Variants in KDM4C observed in about 807,000 individuals in gnomAD.
KDM4C encodes lysine demethylase 4C.
A neutral mutation model predicts 129.3 loss-of-function variants in KDM4C; 81 were observed. The observed-to-expected ratio is 0.63, with a 90% CI of 0.52 to 0.75. The LOEUF is 0.75. KDM4C is among the 30% of genes least tolerant of loss of function. The pLI, the probability that KDM4C is intolerant of heterozygous loss-of-function variation, is 0.00. For synonymous variants in KDM4C, 573 were observed against 456.1 expected (o/e 1.26, Z -3.26); for missense variants, 1,457 against 1,304.0 (o/e 1.12, Z -1.81).
At position 7,076,942 on chromosome 9, in the gene KDM4C, T is replaced by A. The variant is rs913060602; in HGVS notation, c.2425-26743T>A. 5.1e-6 allele frequency: 5 copies of A among 986,086 alleles called. No homozygotes were observed. The African/African-American group carries it at 7.0e-5, about 14-fold the overall frequency. 61.1% of individuals were successfully genotyped at this position (986,086 alleles called of 1,614,324 possible). On this transcript the variant is annotated intron_variant, in intron 17 of 21. Coordinates refer to ENST00000381309, the MANE Select transcript of KDM4C (RefSeq NM_015061.6). ...AATAGGAGTCTCAGAAGTTACACCA[T>A]TTTTCTACAGCACATCACAGGCCCA...
intron 1 of KDM4C, among the ~76,000 whole-genome samples, chr9:6,760,410 GTT>G (rs1052599546): frequency 6.7e-6 from 1 of 149,536 alleles, no homozygotes; most frequent in Non-Finnish European, 1.5e-5. Flanking sequence ...TTGTGAACTA[GTT>G]TTTGTGTGGA....
chr9:7,093,579 G>A (rs1476416701), intron 17 of KDM4C, among the ~76,000 whole-genome samples: 1 of 151,966 alleles, frequency 6.6e-6, no homozygotes, highest in Non-Finnish European at 1.5e-5. Flanking sequence ...CTTCATCTGG[G>A]TTTTTTTGTG....
intron 5 of KDM4C, among the ~76,000 whole-genome samples, chr9:6,851,376 A>G (rs1040439149): frequency 6.6e-6 from 1 of 152,160 alleles, no homozygotes; most frequent in Admixed American, 6.5e-5. Context: ...TTGGAATGTC[A>G]TCTTTTAGTT....
chr9:7,023,800 C>A (rs1242633391), intron 15 of KDM4C, among the ~76,000 whole-genome samples: 1 of 152,014 alleles, frequency 6.6e-6, no homozygotes, highest in East Asian at 1.9e-4. Flanking sequence ...ATTGCTTTTG[C>A]TGTATCCCAT....
chr9:6,772,533 G>C (rs1822082493), intron 1 of KDM4C, among the ~76,000 whole-genome samples: 1 of 152,040 alleles, frequency 6.6e-6, no homozygotes, highest in South Asian at 2.1e-4. Context: ...GGTTAATTTT[G>C]TATTTTTAGT....
intron 21 of KDM4C, 60 bp downstream of exon 21, chr9:7,169,950 T>G: frequency 1.9e-6 from 3 of 1,610,208 alleles, no homozygotes; most frequent in Non-Finnish European, 2.5e-6. Flanking sequence ...CCTCACCTCA[T>G]GTTTCCCAAG....
intron 18 of KDM4C, among the ~76,000 whole-genome samples, chr9:7,115,131 C>T (rs1298764613): frequency 6.6e-6 from 1 of 152,034 alleles, no homozygotes; most frequent in Non-Finnish European, 1.5e-5. Flanking sequence ...ACATGGGACA[C>T]TTGATACTTG....
chr9:6,982,088 T>C (rs1816862024), intron 9 of KDM4C: 1 of 152,018 alleles, frequency 6.6e-6, no homozygotes, highest in Non-Finnish European at 1.5e-5. Context: ...CTGATTGATT[T>C]GCTGCAACAT....
chr9:6,740,891 G>C (rs1024070517), intron 1 of KDM4C, among the ~76,000 whole-genome samples: 1 of 151,704 alleles, frequency 6.6e-6, no homozygotes, highest in Non-Finnish European at 1.5e-5. Flanking sequence ...GCAGTGGGAG[G>C]ATCTCGGCTC....
At position 6,757,980 on chromosome 9, in the gene KDM4C, G is replaced by T; in HGVS notation, c.-241G>T. The T allele has an allele frequency of 1.0e-6, 1 of 985,376 alleles. No individual in the cohort carries two copies. The highest frequency in any genetic ancestry group is 1.2e-6 in the Non-Finnish European group (1 of 829,894). The allele number at this position is 985,376 out of a possible 1,614,324, so 61.0% of individuals were successfully genotyped here. Reference sequence around the variant, plus strand: ...GCGCGCCCTCGCGCAGGGAGAGCCGGCGGTGCGCGCGCCTTCGCCGCTGCC... The same window carrying T: ...GCGCGCCCTCGCGCAGGGAGAGCCGTCGGTGCGCGCGCCTTCGCCGCTGCC... On this transcript the variant is annotated 5_prime_UTR_variant, in exon 1 of 22. Coordinates refer to ENST00000381309, the MANE Select transcript of KDM4C (RefSeq NM_015061.6).
intron 4 of KDM4C, among the ~76,000 whole-genome samples, chr9:6,828,697 C>G (rs978503835): frequency 6.6e-6 from 1 of 152,130 alleles, no homozygotes; most frequent in African/African-American, 2.4e-5. Flanking sequence ...GTGGAGAAAC[C>G]TCGTCTCTAC....
At chr9:6,906,168 G>A (rs1192502343) in intron 8 of KDM4C, among the ~76,000 whole-genome samples, 1 of 152,188 alleles carries the variant, frequency 6.6e-6, no homozygotes, top group Non-Finnish European at 1.5e-5. Context: ...TGCTGTGTGT[G>A]TTGATTTCAT....
chr9:7,084,562 G>A (rs1587537007), intron 17 of KDM4C, among the ~76,000 whole-genome samples: 1 of 151,600 alleles, frequency 6.6e-6, no homozygotes, highest in East Asian at 1.9e-4. Flanking sequence ...TCATAAGGCT[G>A]CTATCATCAA....
chr9:7,060,262 G>A (rs888558769), intron 17 of KDM4C, among the ~76,000 whole-genome samples: 2 of 151,218 alleles, frequency 1.3e-5, no homozygotes, highest in South Asian at 4.2e-4. Flanking sequence ...GGAGAACAGA[G>A]GAGAGGGACA....
At chr9:6,723,884 G>T (rs11998855) in intron 1 of KDM4C, 1 of 152,138 alleles carries the variant, frequency 6.6e-6, no homozygotes, top group Non-Finnish European at 1.5e-5. Context: ...TACCCAAATG[G>T]TTGTAACTGA....
At chr9:7,128,970 A>G (rs2133355337) in intron 19 of KDM4C, among the ~76,000 whole-genome samples, 1 of 152,222 alleles carries the variant, frequency 6.6e-6, no homozygotes, top group South Asian at 2.1e-4. Context: ...CACTTTCCAC[A>G]GAGGGTTTTT....
At chr9:6,928,695 C>G (rs542027820) in intron 8 of KDM4C, among the ~76,000 whole-genome samples, 1 of 151,956 alleles carries the variant, frequency 6.6e-6, no homozygotes, top group Non-Finnish European at 1.5e-5. Context: ...TTTTTATCGC[C>G]TATGATTAGT....
intron 15 of KDM4C, among the ~76,000 whole-genome samples, chr9:7,024,103 G>T (rs1825361126): frequency 6.6e-6 from 1 of 152,082 alleles, no homozygotes; most frequent in Admixed American, 6.5e-5. Context: ...TGTGTATCCT[G>T]TGACCTTCGT....
chr9:7,081,197 T>C (rs1392967136), intron 17 of KDM4C, among the ~76,000 whole-genome samples: 1 of 152,216 alleles, frequency 6.6e-6, no homozygotes, highest in Non-Finnish European at 1.5e-5. Context: ...TGAAGTTTTA[T>C]TGTTCCATCT....
Sources: gnomAD v4.1 joint callset for allele counts (sites outside exome capture counted in the v4.1 genomes callset) on GRCh38, gnomAD v4.1.1 for gene constraint, MANE v1.5 for transcripts, NCBI Gene and HGNC (gene_info 2026-07-23, HGNC 2026-07-21) for gene names.